The following PACSIN2 variants were observed in gnomAD, a reference collection of about 807,000 sequenced individuals.
PACSIN2 encodes protein kinase C and casein kinase substrate in neurons 2.
PACSIN2 carries 25 observed loss-of-function variants against 63.8 expected under a neutral mutation model. The observed-to-expected ratio is 0.39, with a 90% CI of 0.29 to 0.55. The LOEUF (loss-of-function observed/expected upper bound fraction) is 0.55, where lower values mean the gene tolerates loss of function less well. PACSIN2 is among the 20% of genes least tolerant of loss of function. PACSIN2 has a pLI of 0.62. For synonymous variants in PACSIN2, 255 were observed against 256.2 expected, an observed-to-expected ratio of 1.00 and a Z score of 0.05; for missense variants, 518 against 646.9, an observed-to-expected ratio of 0.80 and a Z score of 2.16.
chr22:42,979,824 C>T (rs948300049), intron 1 of PACSIN2, among the ~76,000 whole-genome samples: 2 of 152,202 alleles, frequency 1.3e-5, no homozygotes, highest in South Asian at 4.1e-4. Context: ...TGCATCCTGA[C>T]CACATGCTAC....
At chr22:42,976,366 T>C (rs7511534) in intron 1 of PACSIN2, among the ~76,000 whole-genome samples, 53,319 of 152,184 alleles carry the variant, frequency 0.35, 10,821 homozygotes, top group Non-Finnish European at 0.46. Flanking sequence ...CAGGCCTTAA[T>C]GCACACTTGC....
intron 1 of PACSIN2, among the ~76,000 whole-genome samples, chr22:42,974,428 C>T (rs540130662): frequency 3.3e-5 from 5 of 152,286 alleles, no homozygotes; most frequent in South Asian, 2.1e-4. Flanking sequence ...GTCTAAGCCA[C>T]GCCTAACTCC....
chr22:42,925,820 G>A (rs537321380), intron 1 of PACSIN2, among the ~76,000 whole-genome samples: 1 of 152,250 alleles, frequency 6.6e-6, no homozygotes, highest in East Asian at 1.9e-4. Flanking sequence ...GTCTACCACC[G>A]GCCTCACGGG....
At chr22:42,941,445 A>G (rs1417145186) in intron 1 of PACSIN2, among the ~76,000 whole-genome samples, 12 of 152,222 alleles carry the variant, frequency 7.9e-5, no homozygotes, top group Non-Finnish European at 1.8e-4. Context: ...AGAAACTTCC[A>G]AAGTCAGGAG....
chr22:42,876,517 C>T, intron 9 of PACSIN2, among the ~76,000 whole-genome samples, 184 bp from the exon 10 acceptor site: 1 of 150,144 alleles, frequency 6.7e-6, no homozygotes, highest in East Asian at 1.9e-4. Context: ...GAGCCATCAA[C>T]AGGCTTTCCA....
chr22:42,995,627 G>C (rs1923343987), intron 1 of PACSIN2, among the ~76,000 whole-genome samples: 1 of 152,124 alleles, frequency 6.6e-6, no homozygotes, highest in Non-Finnish European at 1.5e-5. Context: ...CAATTATTTG[G>C]AAATAAGGAT....
chr22:43,007,524 T>C (rs943202120), intron 1 of PACSIN2, among the ~76,000 whole-genome samples: 2 of 152,184 alleles, frequency 1.3e-5, no homozygotes, highest in Non-Finnish European at 2.9e-5. Flanking sequence ...CCACTCCTTG[T>C]TCTTCAGAGC....
chr22:43,003,053 C>T (rs535203291), intron 1 of PACSIN2, among the ~76,000 whole-genome samples: 184 of 152,340 alleles, frequency 1.2e-3, no homozygotes, highest in South Asian at 3.3e-3. Flanking sequence ...CACATTCAAA[C>T]TAACAACCTC....
chr22:42,981,146 G>A (rs1922079784), intron 1 of PACSIN2, among the ~76,000 whole-genome samples: 2 of 139,064 alleles, frequency 1.4e-5, no homozygotes, highest in African/African-American at 5.5e-5. Flanking sequence ...GCCCTGTCTG[G>A]GATGTGAGGA....
rs1338918559 is a variant in PACSIN2, at chr22:42,912,177, A to C, written c.-77-20T>G. 1 of 784,692 alleles carries C rather than the reference A, an allele frequency of 1.3e-6. No homozygotes were observed. The highest frequency in any genetic ancestry group is 2.0e-6 in the Non-Finnish European group (1 of 497,480). The allele number at this position is 784,692 out of a possible 1,614,324, so 48.6% of individuals were successfully genotyped here. A position where few individuals can be genotyped will look rare whatever the true frequency, so the allele number is the denominator to read the frequency against. The stretch of plus-strand genomic sequence containing the variant: ...ACAAACCTATAAATGAAAAACATAT[A>C]ACATAGTGGTTTTTAAATTCCCAAG... On this transcript the variant is annotated intron_variant, in intron 1 of 10. Transcript: ENST00000263246.
At chr22:42,930,873 T>C (rs1932767348) in intron 1 of PACSIN2, among the ~76,000 whole-genome samples, 1 of 152,230 alleles carries the variant, frequency 6.6e-6, no homozygotes, top group Admixed American at 6.5e-5. Flanking sequence ...AGAGCCTCCC[T>C]GAGCCACCAG....
chr22:42,934,099 A>G (rs1402562512), intron 1 of PACSIN2, among the ~76,000 whole-genome samples: 5 of 152,242 alleles, frequency 3.3e-5, no homozygotes, highest in African/African-American at 4.8e-5. Flanking sequence ...CAAAGAGAGT[A>G]AAAAGGAGCT....
intron 5 of PACSIN2, among the ~76,000 whole-genome samples, chr22:42,885,555 C>T (rs901732454): frequency 1.3e-5 from 2 of 152,116 alleles, no homozygotes; most frequent in Admixed American, 6.5e-5. Context: ...CTATCGGGCA[C>T]CCTCTCTGCC....
chr22:42,888,854 T>A, intron 4 of PACSIN2, 56 bp from the exon 5 acceptor site: 1 of 1,566,056 alleles, frequency 6.4e-7, no homozygotes, highest in Non-Finnish European at 8.8e-7. Context: ...GGATCCTCAC[T>A]AGAAGTCACA....
chr22:42,980,463 CA>C, intron 1 of PACSIN2, among the ~76,000 whole-genome samples: 1 of 148,760 alleles, frequency 6.7e-6, no homozygotes, highest in Non-Finnish European at 1.5e-5. Flanking sequence ...AAAAAACAAA[CA>C]ACCCTCTCCC....
chr22:42,896,744 C>G (rs1930316713), intron 2 of PACSIN2, among the ~76,000 whole-genome samples: 1 of 152,214 alleles, frequency 6.6e-6, no homozygotes. Flanking sequence ...ACGTATGAGA[C>G]TTCCCTGTCC....
In PACSIN2 at chr22:42,950,136, G is replaced by C. The variant is rs1265541591; in HGVS notation, c.-77-37979C>G. Among the ~76,000 whole-genome samples, 3 of 151,980 alleles carry C rather than the reference G, an allele frequency of 2.0e-5. No individual in the cohort carries two copies. In the East Asian group the frequency reaches 5.8e-4, roughly 29 times the overall value. ...TACTAAACATGTACAGACTTTTTTTGCTTGTCATTATTCCCTAAACAATAC... is the reference window on the plus strand; with the variant it reads ...TACTAAACATGTACAGACTTTTTTTCCTTGTCATTATTCCCTAAACAATAC... On this transcript the variant is annotated intron_variant, in intron 1 of 10. Coordinates refer to ENST00000263246, the MANE Select transcript of PACSIN2 (RefSeq NM_001184970.3).
chr22:42,928,914 T>C (rs1932700393), intron 1 of PACSIN2, among the ~76,000 whole-genome samples: 1 of 152,244 alleles, frequency 6.6e-6, no homozygotes, highest in African/African-American at 2.4e-5. Context: ...TCCCTTATCT[T>C]CTCAGCATCC....
At position 42,955,008 on chromosome 22, in the gene PACSIN2, C is replaced by T. The variant is rs192443725; in HGVS notation, c.-77-42851G>A. Among the ~76,000 whole-genome samples the T allele has an allele frequency of 3.9e-3, 599 of 152,272 alleles. 2 individuals carry two copies. Among genetic ancestry groups the T allele is most frequent in the African/African-American group, 0.014 (579 of 41,528 alleles). ...TCCTTGCCTTTGCATATATTGCTCC[C>T]GCTGCTTCTCTTGGGTACCTGACAA... On this transcript the variant is annotated intron_variant, in intron 1 of 10. Coordinates refer to ENST00000263246, the MANE Select transcript of PACSIN2 (RefSeq NM_001184970.3).
Sources: allele counts gnomAD v4.1 joint callset (sites outside exome capture counted in the v4.1 genomes callset), GRCh38; gene constraint gnomAD v4.1.1; transcripts MANE v1.5; gene names NCBI Gene and HGNC (gene_info 2026-07-23, HGNC 2026-07-21).